The following ELAVL4 variants were observed in gnomAD, a reference collection of about 807,000 sequenced individuals.
ELAVL4 encodes ELAV-like protein 4.
A neutral mutation model predicts 35.6 loss-of-function variants in ELAVL4; 1 was observed. That is an observed-to-expected ratio of 0.03 (90% CI 0.01 to 0.13). ELAVL4 has a LOEUF of 0.13. Ranked by LOEUF, ELAVL4 falls within the 10% of genes least tolerant of loss-of-function variation. The pLI, the probability that ELAVL4 is intolerant of heterozygous loss-of-function variation, is 1.00. For synonymous variants in ELAVL4, 156 were observed against 171.0 expected (o/e 0.91, Z 0.69); for missense variants, 267 against 464.9 (o/e 0.57, Z 3.91).
intron 1 of ELAVL4, among the ~76,000 whole-genome samples, chr1:50,075,769 T>G (rs1664732365): frequency 6.6e-6 from 1 of 152,128 alleles, no homozygotes; most frequent in South Asian, 2.1e-4. Context: ...AAGTTGAAAA[T>G]ACATATTGTC....
At chr1:50,172,512 A>G (rs1679197363) in intron 2 of ELAVL4, among the ~76,000 whole-genome samples, 1 of 152,102 alleles carries the variant, frequency 6.6e-6, no homozygotes, top group African/African-American at 2.4e-5. Flanking sequence ...TCATGGGCCA[A>G]ATTGGGCCAC....
chr1:50,050,097 A>G (rs1663275526), intron 1 of ELAVL4, among the ~76,000 whole-genome samples: 1 of 152,208 alleles, frequency 6.6e-6, no homozygotes, highest in Non-Finnish European at 1.5e-5. Context: ...TAGTTATGTG[A>G]CTTGCATAAT....
Position 50,138,546 on chromosome 1 carries a change from G to A in ELAVL4, c.10-6411G>A, listed in dbSNP as rs192168905. 5.3e-3 allele frequency among the ~76,000 whole-genome samples: 810 copies of A among 151,798 alleles called. 11 individuals carry two copies. The highest frequency in any genetic ancestry group is 8.1e-3 in the Admixed American group (123 of 15,250). ...GTGATCTCGGCTCACTGCAACCACC[G>A]CCTTCCAGGTTCAAGTGATTCTCCT... On this transcript the variant is annotated intron_variant, in intron 1 of 6. Transcript: ENST00000371824.
intron 1 of ELAVL4, among the ~76,000 whole-genome samples, chr1:50,124,795 C>A (rs1217774299): frequency 6.6e-6 from 1 of 152,054 alleles, no homozygotes; most frequent in African/African-American, 2.4e-5. Flanking sequence ...GAAATCATTT[C>A]CACTCCCTAT....
At chr1:50,074,538 C>T (rs1340877852) in intron 1 of ELAVL4, among the ~76,000 whole-genome samples, 8 of 152,038 alleles carry the variant, frequency 5.3e-5, no homozygotes, top group East Asian at 1.9e-4. Flanking sequence ...GTATTGGCTC[C>T]GGAGTTTTCA....
intron 1 of ELAVL4, among the ~76,000 whole-genome samples, chr1:50,051,774 A>G (rs569233044): frequency 6.6e-6 from 1 of 152,324 alleles, no homozygotes; most frequent in African/African-American, 2.4e-5. Context: ...GATGAATCAT[A>G]CATAGAGTAT....
At chr1:50,147,436 G>A (rs1414876957) in intron 2 of ELAVL4, among the ~76,000 whole-genome samples, 7 of 152,230 alleles carry the variant, frequency 4.6e-5, no homozygotes, top group South Asian at 4.2e-4. Context: ...CCATCCACCC[G>A]TTGTTCAGGT....
At chr1:50,090,365 C>A (rs1257199148) in intron 1 of ELAVL4, among the ~76,000 whole-genome samples, 1 of 152,098 alleles carries the variant, frequency 6.6e-6, no homozygotes, top group Non-Finnish European at 1.5e-5. Context: ...AGAGAAAGAG[C>A]TATTCTAAAA....
chr1:50,092,979 C>T (rs868574327), intron 1 of ELAVL4, among the ~76,000 whole-genome samples: 5 of 152,314 alleles, frequency 3.3e-5, no homozygotes, highest in Middle Eastern at 3.4e-3. Flanking sequence ...TATTCTCACT[C>T]CAATATAAAT....
intron 2 of ELAVL4, among the ~76,000 whole-genome samples, chr1:50,147,359 C>A (rs72907749): frequency 1.5e-3 from 233 of 152,238 alleles, no homozygotes; most frequent in African/African-American, 5.2e-3. Flanking sequence ...CTAATTAATT[C>A]TAGCATTTTA....
intron 1 of ELAVL4, among the ~76,000 whole-genome samples, chr1:50,087,914 A>G (rs1010244370): frequency 6.6e-6 from 1 of 152,210 alleles, no homozygotes; most frequent in Non-Finnish European, 1.5e-5. Context: ...CACCCAGTCT[A>G]TGGCATTTTG....
chr1:50,051,624 T>C (rs1663389412), intron 1 of ELAVL4, among the ~76,000 whole-genome samples: 1 of 152,224 alleles, frequency 6.6e-6, no homozygotes, highest in Non-Finnish European at 1.5e-5. Flanking sequence ...AAGCTTCAGT[T>C]ATCTGGATAT....
At chr1:50,107,801 TAAA>T (rs1190614076), upstream of ELAVL4, among the ~76,000 whole-genome samples, 5 of 152,194 alleles carry the variant, frequency 3.3e-5, no homozygotes, top group Non-Finnish European at 7.3e-5. Flanking sequence ...GTAAGCCACT[TAAA>T]AAACCCAAAC....
intron 3 of ELAVL4, among the ~76,000 whole-genome samples, chr1:50,179,301 A>C (rs959426379): frequency 6.6e-6 from 1 of 152,188 alleles, no homozygotes; most frequent in South Asian, 2.1e-4. Context: ...TCTCCTCTAC[A>C]AATGAAAATT....
At chr1:50,066,353 C>T (rs558798311) in intron 1 of ELAVL4, among the ~76,000 whole-genome samples, 3 of 152,292 alleles carry the variant, frequency 2.0e-5, no homozygotes, top group South Asian at 2.1e-4. Flanking sequence ...ACACATTGAT[C>T]GCTAACATTT....
upstream of ELAVL4, among the ~76,000 whole-genome samples, chr1:50,101,401 G>A (rs1343349142): frequency 6.6e-6 from 1 of 152,098 alleles, no homozygotes; most frequent in Non-Finnish European, 1.5e-5. Flanking sequence ...TTTACAGCCT[G>A]ATTATAATAA....
At chr1:50,049,714 A>C (rs1329996289) in intron 1 of ELAVL4, among the ~76,000 whole-genome samples, 1 of 152,172 alleles carries the variant, frequency 6.6e-6, no homozygotes, top group Non-Finnish European at 1.5e-5. Flanking sequence ...TAAAGCACTA[A>C]CAAAATCCTT....
At chr1:50,085,279 T>G (rs1198631251) in intron 1 of ELAVL4, among the ~76,000 whole-genome samples, 1 of 152,174 alleles carries the variant, frequency 6.6e-6, no homozygotes, top group East Asian at 1.9e-4. Context: ...TTGGCCAGAG[T>G]TCCAAGAACA....
intron 1 of ELAVL4, among the ~76,000 whole-genome samples, chr1:50,117,396 G>A (rs561226896): frequency 2.1e-3 from 322 of 152,182 alleles, no homozygotes; most frequent in Non-Finnish European, 3.0e-3. Context: ...TCTGGCCTCC[G>A]AGGAACATCA....
Sources: gnomAD v4.1 joint callset for allele counts (sites outside exome capture counted in the v4.1 genomes callset) on GRCh38, gnomAD v4.1.1 for gene constraint, MANE v1.5 for transcripts, NCBI Gene and HGNC (gene_info 2026-07-23, HGNC 2026-07-21) for gene names.